Variants in PDE9A observed in about 807,000 individuals in gnomAD.
PDE9A encodes phosphodiesterase 9A.
A neutral mutation model predicts 87.4 loss-of-function variants in PDE9A; 60 were observed. That is an observed-to-expected ratio of 0.69 (90% CI 0.56 to 0.85). The LOEUF (loss-of-function observed/expected upper bound fraction) is 0.85, where lower values mean the gene tolerates loss of function less well. Among genes scored for constraint, PDE9A ranks in the 40% least tolerant of loss-of-function variants. PDE9A has a pLI of 0.00. For synonymous variants in PDE9A, 272 were observed against 279.4 expected (o/e 0.97, Z 0.27); for missense variants, 665 against 779.0 (o/e 0.85, Z 1.74).
intron 4 of PDE9A, among the ~76,000 whole-genome samples, chr21:42,721,369 C>T (rs2050509197): frequency 1.3e-5 from 2 of 152,190 alleles, no homozygotes; most frequent in African/African-American, 4.8e-5. Context: ...CCAGGGTCTT[C>T]GGTTGATTTT....
At chr21:42,680,759 G>A (rs557332125) in intron 1 of PDE9A, among the ~76,000 whole-genome samples, 2 of 152,272 alleles carry the variant, frequency 1.3e-5, no homozygotes, top group South Asian at 2.1e-4. Context: ...CACCGCTTGC[G>A]GACCCCTCCC....
Position 42,695,473 on chromosome 21 carries a change from T to C in PDE9A, c.219-3495T>C, listed in dbSNP as rs1481540869. Among the ~76,000 whole-genome samples the C allele has an allele frequency of 6.6e-6, 1 of 152,166 alleles. No individual in the cohort carries two copies. Among genetic ancestry groups the C allele is most frequent in the African/African-American group, 2.4e-5 (1 of 41,442 alleles). On this transcript the variant is annotated intron_variant, in intron 3 of 19. Coordinates refer to ENST00000291539, the MANE Select transcript of PDE9A (RefSeq NM_002606.3). The surrounding 1 kb of genome is among the most constrained non-coding windows in gnomAD (Gnocchi z 4.3). ...GCGTGAGTGAAAGTGGGGTGTGTGG[T>C]GAGACACATACAGAGGGGAGAGGGC...
rs1027470035 is a variant in PDE9A at position 42,692,826 on chromosome 21, C to T, written c.218+4832C>T. Among the ~76,000 whole-genome samples, 1 of 152,192 alleles carries T rather than the reference C, an allele frequency of 6.6e-6. No homozygotes were observed. The highest frequency in any genetic ancestry group is 2.4e-5 in the African/African-American group (1 of 41,446). On this transcript the variant is annotated intron_variant, in intron 3 of 19. Coordinates refer to ENST00000291539, the MANE Select transcript of PDE9A (RefSeq NM_002606.3). The surrounding 1 kb of genome is among the most constrained non-coding windows in gnomAD (Gnocchi z 4.3). Reference sequence around the variant, plus strand: ...CACTCGGTGCCTGGTGACATGCGGCCATCCTCAGAGATGTGCTTCGGGGCC... The same window carrying T: ...CACTCGGTGCCTGGTGACATGCGGCTATCCTCAGAGATGTGCTTCGGGGCC...
chr21:42,679,650 C>A (rs1267339592), intron 1 of PDE9A, among the ~76,000 whole-genome samples: 1 of 152,162 alleles, frequency 6.6e-6, no homozygotes, highest in African/African-American at 2.4e-5. Context: ...CTTCCCACAA[C>A]CTCCCGATAA....
intron 4 of PDE9A, among the ~76,000 whole-genome samples, chr21:42,699,558 T>TC (rs2060329994): frequency 9.9e-6 from 1 of 101,072 alleles, no homozygotes; most frequent in Admixed American, 8.8e-5. Context: ...CTTTTTCTTT[T>TC]TTTTTTTTTA....
chr21:42,698,584 C>T (rs1324632596), intron 3 of PDE9A, among the ~76,000 whole-genome samples: 1 of 152,164 alleles, frequency 6.6e-6, no homozygotes, highest in African/African-American at 2.4e-5. Context: ...TTGGGGGATA[C>T]AGCCGCCATC....
chr21:42,686,721 A>G (rs2059496988), intron 2 of PDE9A, among the ~76,000 whole-genome samples: 1 of 152,218 alleles, frequency 6.6e-6, no homozygotes, highest in Non-Finnish European at 1.5e-5. Context: ...AGGCTGAGGC[A>G]GGAGAATGGC....
At chr21:42,746,002 C>T (rs1354629873) in intron 8 of PDE9A, among the ~76,000 whole-genome samples, 1 of 152,222 alleles carries the variant, frequency 6.6e-6, no homozygotes, top group Non-Finnish European at 1.5e-5. Context: ...ACTGTGTGTC[C>T]CTGAGCACTT....
At chr21:42,754,840 C>T (rs1289934860) in intron 10 of PDE9A, among the ~76,000 whole-genome samples, 1 of 152,134 alleles carries the variant, frequency 6.6e-6, no homozygotes, top group Non-Finnish European at 1.5e-5. Flanking sequence ...GTGAGGCCTC[C>T]GCAGCCATGT....
chr21:42,676,023 G>A (rs2058827377), intron 1 of PDE9A, among the ~76,000 whole-genome samples: 1 of 152,094 alleles, frequency 6.6e-6, no homozygotes, highest in Non-Finnish European at 1.5e-5. Flanking sequence ...TATGTGTGAA[G>A]GTAGAAGGCA....
chr21:42,655,171 C>T, intron 1 of PDE9A, among the ~76,000 whole-genome samples: 1 of 150,184 alleles, frequency 6.7e-6, no homozygotes, highest in East Asian at 1.9e-4. Flanking sequence ...CACACACGTG[C>T]ATACACACAC....
Position 42,760,594 on chromosome 21 carries a change from C to G in PDE9A, c.1002+162C>G, listed in dbSNP as rs1457555742. ...CGCACCCCTGCCCACCGTTGTCAGT[C>G]ACCCCATGGGCGAGGCTGCTCCTAG... is the stretch of plus-strand genomic sequence containing the variant. On this transcript the variant is annotated intron_variant, in intron 12 of 19. Coordinates refer to ENST00000291539, the MANE Select transcript of PDE9A (RefSeq NM_002606.3). The surrounding 1 kb of genome is among the most constrained non-coding windows in gnomAD (Gnocchi z 5.2). 6.6e-6 allele frequency among the ~76,000 whole-genome samples: 1 copy of G among 151,966 alleles called. No individual in the cohort carries two copies. The highest frequency in any genetic ancestry group is 1.5e-5 in the Non-Finnish European group (1 of 67,960).
Position 42,659,084 on chromosome 21 carries a change from T to A in PDE9A, c.69+5201T>A, listed in dbSNP as rs867423868. Among the ~76,000 whole-genome samples, 4 of 152,346 alleles carry A rather than the reference T, an allele frequency of 2.6e-5. No individual in the cohort carries two copies. The highest frequency in any genetic ancestry group is 3.4e-3 in the Middle Eastern group (1 of 294). ...ATGAAGTGCCTGACCACTTGAGAGCTACAGCAGGTGCTGTCTCGGAGAGGG... is the reference window on the plus strand; with the variant it reads ...ATGAAGTGCCTGACCACTTGAGAGCAACAGCAGGTGCTGTCTCGGAGAGGG... On this transcript the variant is annotated intron_variant, in intron 1 of 19. Transcript: ENST00000291539. This position sits in a 1 kb window ranked among gnomAD's most constrained non-coding sequence, Gnocchi z 4.1.
At position 42,760,550 on chromosome 21, in the gene PDE9A, G is replaced by A. The variant is rs933552381; in HGVS notation, c.1002+118G>A. 2.5e-5 allele frequency: 17 copies of A among 672,492 alleles called. No individual in the cohort carries two copies. The highest frequency in any genetic ancestry group is 1.6e-4 in the African/African-American group (9 of 55,200). The allele number at this position is 672,492 out of a possible 1,614,324, so 41.7% of individuals were successfully genotyped here. Reference sequence around the variant, plus strand: ...AGCCACAGGCGTGGGGTCCCCAGCCGCTCCGCCCCTCCTAGGGACGCACCC... The same window carrying A: ...AGCCACAGGCGTGGGGTCCCCAGCCACTCCGCCCCTCCTAGGGACGCACCC... On this transcript the variant is annotated intron_variant, in intron 12 of 19. Transcript: ENST00000291539. The surrounding 1 kb of genome is among the most constrained non-coding windows in gnomAD (Gnocchi z 5.2).
At chr21:42,730,900 C>T (rs868281219) in intron 4 of PDE9A, among the ~76,000 whole-genome samples, 3 of 152,128 alleles carry the variant, frequency 2.0e-5, no homozygotes, top group Non-Finnish European at 2.9e-5. Flanking sequence ...AGCTTCTGAG[C>T]CCCATTGCCA....
chr21:42,736,723 G>A (rs1047944290), intron 7 of PDE9A, among the ~76,000 whole-genome samples: 1 of 152,136 alleles, frequency 6.6e-6, no homozygotes, highest in Non-Finnish European at 1.5e-5. Flanking sequence ...GGTCAGGGGG[G>A]ACTCTCCTCA....
At position 42,744,819 on chromosome 21, in the gene PDE9A, C is replaced by T. The variant is rs118155379; in HGVS notation, c.653+959C>T. 7.3e-4 allele frequency among the ~76,000 whole-genome samples: 111 copies of T among 152,334 alleles called. 2 individuals carry two copies. In the East Asian group the frequency reaches 0.016, roughly 22 times the overall value. On this transcript the variant is annotated intron_variant, in intron 8 of 19. Transcript: ENST00000291539. ...GGAAATGCCGGTAGTAGCAAAGAGA[C>T]GGCGGTGATGATGAGCAGAGCGCAT...
intron 16 of PDE9A, 67 bp from the exon 17 acceptor site, chr21:42,768,960 T>G: frequency 6.5e-7 from 1 of 1,533,066 alleles, no homozygotes; most frequent in South Asian, 1.3e-5. Context: ...TGTCTTTCTC[T>G]GAGAACAGCG....
intron 4 of PDE9A, among the ~76,000 whole-genome samples, chr21:42,726,624 A>ATATATATATATATATTTTTTTTTTTTTT: frequency 5.1e-5 from 1 of 19,780 alleles, no homozygotes; most frequent in African/African-American, 3.4e-4. Context: ...ATATATATAT[A>ATATATATATATATATTTTTTTTTTTTTT]TTTTTTTTTT....
Sources: gnomAD v4.1 joint callset for allele counts (sites outside exome capture counted in the v4.1 genomes callset) on GRCh38, gnomAD v4.1.1 for gene constraint, Gnocchi (gnomAD v3.1) non-coding constraint, MANE v1.5 for transcripts, NCBI Gene and HGNC (gene_info 2026-07-23, HGNC 2026-07-21) for gene names.